ST8SIA1: variants seen among roughly 807,000 people sequenced by gnomAD.
ST8SIA1 encodes ST8 alpha-N-acetyl-neuraminide alpha-2,8-sialyltransferase 1, also known as alpha-N-acetylneuraminide alpha-2,8-sialyltransferase.
In ST8SIA1, 16 loss-of-function variants were observed where a neutral mutation model predicts 35.9. The ratio of observed to expected loss-of-function variants is 0.45; its 90% confidence interval spans 0.30 to 0.68. The LOEUF is 0.68. ST8SIA1 is among the 30% of genes least tolerant of loss of function. ST8SIA1 has a pLI of 0.09. For synonymous variants in ST8SIA1, 170 were observed against 169.6 expected, an observed-to-expected ratio of 1.00 and a Z score of -0.02; for missense variants, 383 against 453.6, an observed-to-expected ratio of 0.84 and a Z score of 1.41.
In ST8SIA1 at chr12:22,246,469, T is replaced by C. The variant is rs542461849; in HGVS notation, c.584+2537A>G. Among the ~76,000 whole-genome samples, 175 of 152,324 alleles carry C rather than the reference T, an allele frequency of 1.1e-3. 2 individuals are homozygous for C. Among genetic ancestry groups the C allele is most frequent in the African/African-American group, 4.0e-3 (167 of 41,572 alleles). On this transcript the variant is annotated intron_variant, in intron 4 of 4. Transcript: ENST00000396037. ...TTCGATCTCATTCCGTAGCGTACAA[T>C]GCCTAAAATCTTTAGAAACTCCACA...
At chr12:22,233,403 T>G (rs1488595152) in intron 4 of ST8SIA1, among the ~76,000 whole-genome samples, 2 of 152,144 alleles carry the variant, frequency 1.3e-5, no homozygotes, top group Non-Finnish European at 2.9e-5. Flanking sequence ...CATGCATTCT[T>G]TCACCTTTCA....
chr12:22,264,566 T>C (rs1865825851), intron 2 of ST8SIA1, among the ~76,000 whole-genome samples: 1 of 150,776 alleles, frequency 6.6e-6, no homozygotes, highest in African/African-American at 2.5e-5. Context: ...TTCAGTTGTT[T>C]TCTTACTTTG....
intron 4 of ST8SIA1, among the ~76,000 whole-genome samples, chr12:22,233,148 C>T (rs975549123): frequency 4.6e-5 from 7 of 151,876 alleles, no homozygotes; most frequent in Admixed American, 3.3e-4. Flanking sequence ...AAATATGAGG[C>T]GAGGAAGACG....
At chr12:22,320,995 GA>G (rs1230461609) in intron 1 of ST8SIA1, among the ~76,000 whole-genome samples, 6,284 of 108,964 alleles carry the variant, frequency 0.058, 219 homozygotes, top group East Asian at 0.14. Flanking sequence ...AAGAAAGAAA[GA>G]AAGAAAGAAG....
At position 22,194,474 on chromosome 12, in the gene ST8SIA1, C is replaced by T. The variant is rs1319822514; in HGVS notation, c.*7078G>A. 6.6e-6 allele frequency: 1 copy of T among 152,134 alleles called. No individual in the cohort carries two copies. The highest frequency in any genetic ancestry group is 2.4e-5 in the African/African-American group (1 of 41,408). The allele number at this position is 152,134 out of a possible 1,614,324, so 9.4% of individuals were successfully genotyped here. A position where few individuals can be genotyped will look rare whatever the true frequency, so the allele number is the denominator to read the frequency against. On this transcript the variant is annotated 3_prime_UTR_variant, in exon 5 of 5. Transcript: ENST00000396037. ...TAATAACGATACAACTTGGAACAGA[C>T]ATGATTACATCTCTAAAGTGACAGA...
chr12:22,262,032 A>T (rs1865798696), intron 2 of ST8SIA1, among the ~76,000 whole-genome samples: 1 of 152,220 alleles, frequency 6.6e-6, no homozygotes, highest in South Asian at 2.1e-4. Context: ...TTCTCTGAGG[A>T]ATTAACATTT....
At chr12:22,320,281 CCT>C (rs1375594802) in intron 1 of ST8SIA1, among the ~76,000 whole-genome samples, 1 of 152,040 alleles carries the variant, frequency 6.6e-6, no homozygotes, top group Admixed American at 6.6e-5. Context: ...AGGATTTTTC[CCT>C]CTTATCTGGG....
intron 1 of ST8SIA1, chr12:22,324,849 C>T (rs796375704): frequency 1.3e-5 from 2 of 151,780 alleles, no homozygotes; most frequent in East Asian, 3.9e-4. Flanking sequence ...TATGGTAATA[C>T]TTGGACAATA....
At chr12:22,223,247 G>A (rs1384261146) in intron 4 of ST8SIA1, 8 of 152,468 alleles carry the variant, frequency 5.2e-5, no homozygotes, top group African/African-American at 1.7e-4. Context: ...ACATAGATGA[G>A]ATCATGCATT....
At chr12:22,314,809 T>G (rs914621867) in intron 1 of ST8SIA1, among the ~76,000 whole-genome samples, 6 of 152,178 alleles carry the variant, frequency 3.9e-5, no homozygotes, top group Non-Finnish European at 8.8e-5. Context: ...CCCAGATTCA[T>G]GCTCCTAATC....
At position 22,223,758 on chromosome 12, in the gene ST8SIA1, G is replaced by A. The variant is rs933793675; in HGVS notation, c.585-21720C>T. 1.3e-5 allele frequency: 16 copies of A among 1,251,244 alleles called. No individual in the cohort carries two copies. The Admixed American group carries it at 1.6e-4, about 13-fold the overall frequency. 77.5% of individuals were successfully genotyped at this position (1,251,244 alleles called of 1,614,324 possible). A position where few individuals can be genotyped will look rare whatever the true frequency, so the allele number is the denominator to read the frequency against. On this transcript the variant is annotated intron_variant, in intron 4 of 4. Transcript: ENST00000396037. ...CAAGAATCTATTTCTTCACCCTCTC[G>A]ACAGCTGTAAAATCCCTTTAAATAA...
At chr12:22,271,214 G>A (rs1344587198) in intron 2 of ST8SIA1, among the ~76,000 whole-genome samples, 1 of 152,108 alleles carries the variant, frequency 6.6e-6, no homozygotes, top group African/African-American at 2.4e-5. Flanking sequence ...TTTCAAGGCT[G>A]GAATGACTTT....
chr12:22,309,847 C>T (rs1477964082), intron 1 of ST8SIA1, among the ~76,000 whole-genome samples: 3 of 152,178 alleles, frequency 2.0e-5, no homozygotes, highest in East Asian at 1.9e-4. Context: ...AAATATATTT[C>T]GTTCTTACTA....
chr12:22,291,897 G>GT, intron 1 of ST8SIA1, among the ~76,000 whole-genome samples: 1 of 152,092 alleles, frequency 6.6e-6, no homozygotes, highest in Non-Finnish European at 1.5e-5. Flanking sequence ...AAGTCAGAGC[G>GT]TGTCTGGAAT....
intron 4 of ST8SIA1, among the ~76,000 whole-genome samples, chr12:22,206,096 A>G (rs1865106091): frequency 6.6e-6 from 1 of 152,210 alleles, no homozygotes; most frequent in Non-Finnish European, 1.5e-5. Context: ...GAATATTAAT[A>G]GAATAGAAAG....
chr12:22,258,343 C>G (rs890372906), intron 2 of ST8SIA1, among the ~76,000 whole-genome samples: 3 of 152,038 alleles, frequency 2.0e-5, no homozygotes, highest in African/African-American at 7.2e-5. Context: ...GAATACATGA[C>G]TATGCAGTCA....
chr12:22,283,191 G>A (rs573411888), intron 2 of ST8SIA1, among the ~76,000 whole-genome samples: 1 of 152,116 alleles, frequency 6.6e-6, no homozygotes, highest in Non-Finnish European at 1.5e-5. Flanking sequence ...CTTTACATAT[G>A]GCCCTGGGTG....
intron 4 of ST8SIA1, among the ~76,000 whole-genome samples, chr12:22,210,129 G>T (rs893936165): frequency 2.0e-5 from 3 of 152,008 alleles, no homozygotes; most frequent in Admixed American, 6.6e-5. Context: ...ACATTGAAAT[G>T]GAAATATTTC....
intron 1 of ST8SIA1, among the ~76,000 whole-genome samples, chr12:22,308,843 A>G (rs918685630): frequency 2.0e-5 from 3 of 151,578 alleles, no homozygotes; most frequent in African/African-American, 4.9e-5. Flanking sequence ...CATATCATCA[A>G]CTCCTCTCTA....
Sources: gnomAD v4.1 joint callset for allele counts (sites outside exome capture counted in the v4.1 genomes callset) on GRCh38, gnomAD v4.1.1 for gene constraint, MANE v1.5 for transcripts, NCBI Gene and HGNC (gene_info 2026-07-23, HGNC 2026-07-21) for gene names.